ASPRV1: variants seen among roughly 807,000 people sequenced by gnomAD.
ASPRV1 encodes the protein retroviral-like aspartic protease 1.
ASPRV1 carries 7 observed loss-of-function variants against 11.0 expected under a neutral mutation model. That is an observed-to-expected ratio of 0.64 (90% CI 0.36 to 1.20). The LOEUF (loss-of-function observed/expected upper bound fraction) is 1.20, where lower values mean the gene tolerates loss of function less well. Among genes scored for constraint, ASPRV1 ranks in the 50% most tolerant of loss-of-function variants. ASPRV1 has a pLI of 0.02. For missense variants in ASPRV1, 299 were observed against 320.0 expected (o/e 0.93, Z 0.50); for synonymous variants, 136 against 138.4 (o/e 0.98, Z 0.12).
chr2:70,011,357 C>T, the ASPRV1 span, among the ~76,000 whole-genome samples: 1 of 151,824 alleles, frequency 6.6e-6, no homozygotes, highest in South Asian at 2.1e-4. Flanking sequence ...GGGCAGGGGG[C>T]CAGGGAGAAG....
rs781731211 is a variant in ASPRV1 at position 69,961,231 on chromosome 2, A to G, written c.206T>C (p.Leu69Pro). 2 of 1,614,006 alleles carry G rather than the reference A, an allele frequency of 1.2e-6. No homozygotes were observed. Among genetic ancestry groups the G allele is most frequent in the Non-Finnish European group, 1.7e-6 (2 of 1,179,974 alleles). The change falls in exon 1 of 1, where the codon CTC becomes CCC. Residue 69 changes from leucine (L) to proline (P), a missense_variant. Physicochemically the swap from Leu to Pro is moderately conservative, Grantham distance 98. Transcript: ENST00000320256. ...RGEALGVYNR[L>P]SPQDQGDYGT... ...ATAGTCTCCCTGGTCCTGGGGACTG[A>G]GCCTATTGTAGACACCCAGGGCCTC... is the stretch of plus-strand genomic sequence containing the variant.
the ASPRV1 span, chr2:70,086,311 G>C: frequency 6.6e-6 from 1 of 152,250 alleles, no homozygotes; most frequent in African/African-American, 2.4e-5. Flanking sequence ...AAGGAACAGG[G>C]GAGGCGGAGT....
chr2:69,972,803 G>T, the ASPRV1 span, among the ~76,000 whole-genome samples: 1 of 152,034 alleles, frequency 6.6e-6, no homozygotes, highest in Non-Finnish European at 1.5e-5. Context: ...GCTTGCAGAA[G>T]ATGGCTTGCG....
chr2:69,969,928 C>T, the ASPRV1 span, among the ~76,000 whole-genome samples: 4 of 151,616 alleles, frequency 2.6e-5, no homozygotes, highest in African/African-American at 9.7e-5. Flanking sequence ...GACAGGGTCT[C>T]CCTACATTGC....
chr2:70,079,920 A>G, the ASPRV1 span, among the ~76,000 whole-genome samples: 1 of 133,946 alleles, frequency 7.5e-6, no homozygotes, highest in African/African-American at 4.1e-5. Flanking sequence ...CACAACAAAT[A>G]TTACACAGTG....
the ASPRV1 span, among the ~76,000 whole-genome samples, chr2:69,993,149 G>A: frequency 4.2e-3 from 637 of 152,296 alleles, 3 homozygotes; most frequent in African/African-American, 0.013. Flanking sequence ...GCCCTGCCTC[G>A]GCAAGTGGGC....
chr2:69,994,767 G>A, the ASPRV1 span, among the ~76,000 whole-genome samples: 3 of 152,068 alleles, frequency 2.0e-5, no homozygotes, highest in Non-Finnish European at 4.4e-5. Flanking sequence ...GGAGGCCGAG[G>A]AGGGCGGATC....
the ASPRV1 span, among the ~76,000 whole-genome samples, chr2:70,009,003 A>T: frequency 6.6e-6 from 1 of 152,206 alleles, no homozygotes; most frequent in Non-Finnish European, 1.5e-5. Context: ...AGATAAATTC[A>T]GTTTTCTAAC....
chr2:69,951,342 T>G, the ASPRV1 span, among the ~76,000 whole-genome samples: 1 of 150,238 alleles, frequency 6.7e-6, no homozygotes, highest in African/African-American at 2.5e-5. Context: ...GAGAATCACT[T>G]GAACCCGGGA....
chr2:70,031,004 G>C, the ASPRV1 span: 1 of 152,128 alleles, frequency 6.6e-6, no homozygotes. Context: ...TGATAATGAA[G>C]GCTTATGAGG....
the ASPRV1 span, among the ~76,000 whole-genome samples, chr2:70,053,450 C>T: frequency 6.6e-6 from 1 of 152,138 alleles, no homozygotes; most frequent in African/African-American, 2.4e-5. Context: ...TCTCTGTCAC[C>T]TCTTGGACAC....
At chr2:70,075,291 TA>T in the ASPRV1 span, 2 of 141,300 alleles carry the variant, frequency 1.4e-5, no homozygotes, top group Non-Finnish European at 3.0e-5. Flanking sequence ...TTTGTATTTT[TA>T]GTAGAGACAC....
the ASPRV1 span, among the ~76,000 whole-genome samples, chr2:69,986,666 CA>C: frequency 6.6e-6 from 1 of 152,118 alleles, no homozygotes; most frequent in Admixed American, 6.5e-5. Context: ...CCCTTTAATC[CA>C]GATGGTGGGG....
chr2:70,054,446 G>A, the ASPRV1 span, among the ~76,000 whole-genome samples: 1 of 151,432 alleles, frequency 6.6e-6, no homozygotes, highest in Admixed American at 6.6e-5. Flanking sequence ...CCGGCGCGGT[G>A]GCAGGCGCCT....
the ASPRV1 span, among the ~76,000 whole-genome samples, chr2:70,085,126 C>T: frequency 2.0e-5 from 3 of 152,046 alleles, no homozygotes; most frequent in Non-Finnish European, 2.9e-5. Context: ...GGTGCCAGAG[C>T]GAATTTATTT....
chr2:70,072,732 T>C, the ASPRV1 span, among the ~76,000 whole-genome samples: 1 of 150,376 alleles, frequency 6.6e-6, no homozygotes, highest in East Asian at 2.0e-4. Context: ...AAAAATAAAA[T>C]GAAATAAAAT....
the ASPRV1 span, chr2:69,937,985 G>A: frequency 2.1e-6 from 2 of 958,790 alleles, no homozygotes; most frequent in African/African-American, 1.6e-5. Context: ...AACCTCAAGT[G>A]ATCCACCCGC....
chr2:70,034,278 T>A, the ASPRV1 span, among the ~76,000 whole-genome samples: 1 of 150,168 alleles, frequency 6.7e-6, no homozygotes, highest in South Asian at 2.1e-4. Context: ...TGGAGTGCAA[T>A]GGCATGATCT....
At chr2:69,949,270 TGAATGAATGAATGAATGAAC>T in the ASPRV1 span, among the ~76,000 whole-genome samples, 2 of 151,376 alleles carry the variant, frequency 1.3e-5, no homozygotes, top group Non-Finnish European at 3.0e-5. Flanking sequence ...AATGAATGAA[TGAATGAATGAATGAATGAAC>T]GAATGAACGA....
Sources: allele counts gnomAD v4.1 joint callset (sites outside exome capture counted in the v4.1 genomes callset), GRCh38; gene constraint gnomAD v4.1.1; transcripts MANE v1.5; gene names NCBI Gene and HGNC (gene_info 2026-07-23, HGNC 2026-07-21).